USP7: variants seen among roughly 807,000 people sequenced by gnomAD.
The protein encoded by USP7 is ubiquitin C-terminal hydrolase 7.
USP7 carries 9 observed loss-of-function variants against 162.9 expected under a neutral mutation model. The ratio of observed to expected loss-of-function variants is 0.06; its 90% CI spans 0.03 to 0.10. USP7 has a LOEUF of 0.10. Among genes scored for constraint, USP7 ranks in the 10% least tolerant of loss-of-function variants. The pLI is 1.00. For missense variants in USP7, 715 were observed against 1,373.7 expected (o/e 0.52, Z 7.58); for synonymous variants, 562 against 475.9 (o/e 1.18, Z -2.35).
In USP7 at chr16:8,902,160, G is replaced by C. The variant is rs1421063569; in HGVS notation, c.1969C>G (p.Pro657Ala). The stretch of plus-strand genomic sequence containing the variant: ...ACTGTTTCCAGGAATATTGTCCAAG[G>C]GTTTTCATTATCACTGAGCTCAATC... ...TMIELSDNENPWTIFLETVDP... is the reference protein window; with the variant it reads ...TMIELSDNENAWTIFLETVDP... The change falls in exon 18 of 31, where the codon CCT becomes GCT. Residue 657 changes from proline (P) to alanine (A), a missense_variant. Physicochemically the swap from Pro to Ala is conservative, Grantham distance 27. Transcript: ENST00000344836. The C allele has an allele frequency of 1.9e-6, 3 of 1,614,004 alleles. No individual in the cohort carries two copies. The highest frequency in any genetic ancestry group is 1.3e-5 in the African/African-American group (1 of 74,896).
chr16:8,963,418 G>C lies in USP7; in HGVS notation c.-133C>G, dbSNP rs1199088594. The stretch of plus-strand genomic sequence containing the variant: ...CCTCCTCCTCCTCCTCCCGCGCGTC[G>C]TCGGCGACGGCGGCCCCGGGGCGGC... On this transcript the variant is annotated 5_prime_UTR_variant, in exon 1 of 31. Transcript: ENST00000344836. The C allele has an allele frequency of 6.5e-6, 1 of 153,628 alleles. No homozygotes were observed. The highest frequency in any genetic ancestry group is 2.5e-5 in the African/African-American group (1 of 40,074). The allele number at this position is 153,628 out of a possible 1,614,324, so 9.5% of individuals were successfully genotyped here.
chr16:8,896,883 C>G (rs1400304206), intron 26 of USP7, 116 bp downstream of exon 26: 2 of 795,868 alleles, frequency 2.5e-6, no homozygotes, highest in African/African-American at 1.7e-5. Context: ...CCCACTGAGT[C>G]TGGGAATGAC....
chr16:8,931,969 T>C (rs1008306312), intron 1 of USP7, among the ~76,000 whole-genome samples: 2 of 152,164 alleles, frequency 1.3e-5, no homozygotes, highest in Non-Finnish European at 2.9e-5. Context: ...AGCCAGGTAG[T>C]TGTGTGTGTG....
chr16:8,937,333 C>G (rs1199385526), intron 1 of USP7, among the ~76,000 whole-genome samples: 2 of 151,964 alleles, frequency 1.3e-5, no homozygotes, highest in Non-Finnish European at 2.9e-5. Context: ...TCACCTGAGG[C>G]CAGAAGTTTG....
At chr16:8,961,495 A>G (rs1900008059) in intron 1 of USP7, among the ~76,000 whole-genome samples, 1 of 100,094 alleles carries the variant, frequency 1.0e-5, no homozygotes, top group Non-Finnish European at 2.2e-5. Context: ...TCCGTCTCAA[A>G]AAAAAAAAAG....
At chr16:8,904,941 C>T (rs1438848270) in intron 14 of USP7, among the ~76,000 whole-genome samples, 2 of 152,130 alleles carry the variant, frequency 1.3e-5, no homozygotes, top group Admixed American at 1.3e-4. Flanking sequence ...CACTGCACTC[C>T]AGCCTGGGCA....
intron 3 of USP7, among the ~76,000 whole-genome samples, chr16:8,921,954 T>A (rs1369800756): frequency 6.6e-6 from 1 of 152,220 alleles, no homozygotes; most frequent in Non-Finnish European, 1.5e-5. Context: ...ATGGTTTGAC[T>A]CTTCAGGACA....
At chr16:8,954,833 G>T (rs533645854) in intron 1 of USP7, among the ~76,000 whole-genome samples, 30 of 152,064 alleles carry the variant, frequency 2.0e-4, no homozygotes, top group African/African-American at 7.0e-4. Flanking sequence ...GGTGAGGGGC[G>T]CCTGTAGTCC....
At chr16:8,933,546 G>A (rs912281663) in intron 1 of USP7, among the ~76,000 whole-genome samples, 8 of 152,150 alleles carry the variant, frequency 5.3e-5, no homozygotes, top group Non-Finnish European at 1.0e-4. Context: ...ACCTACTAGA[G>A]ATTAGGGTTA....
chr16:8,897,280 G>A, intron 25 of USP7, 181 bp from the exon 26 acceptor site: 1 of 595,448 alleles, frequency 1.7e-6, no homozygotes, highest in Non-Finnish European at 3.0e-6. Context: ...GAGGACACTG[G>A]CCCTAATCTA....
At chr16:8,961,503 AAGG>A (rs1233429659) in intron 1 of USP7, among the ~76,000 whole-genome samples, 14 of 58,538 alleles carry the variant, frequency 2.4e-4, no homozygotes, top group African/African-American at 6.2e-4. Context: ...AAAAAAAAAA[AAGG>A]GGGGGGGGGG....
At chr16:8,957,232 T>G (rs1899845111) in intron 1 of USP7, among the ~76,000 whole-genome samples, 1 of 152,246 alleles carries the variant, frequency 6.6e-6, no homozygotes, top group South Asian at 2.1e-4. Flanking sequence ...TAACTGACTT[T>G]CTTGCCTACG....
intron 16 of USP7, 87 bp downstream of exon 16, chr16:8,903,181 C>A: frequency 2.6e-6 from 4 of 1,532,706 alleles, no homozygotes; most frequent in Non-Finnish European, 2.6e-6. Context: ...CACCTACCCC[C>A]AAAGGCAATC....
chr16:8,925,799 T>G (rs1288210544), intron 2 of USP7, among the ~76,000 whole-genome samples: 1 of 152,196 alleles, frequency 6.6e-6, no homozygotes, highest in Non-Finnish European at 1.5e-5. Flanking sequence ...TAGATGACAC[T>G]TCGGGTGTAT....
chr16:8,924,907 G>T (rs577209952), intron 2 of USP7, among the ~76,000 whole-genome samples: 1 of 152,222 alleles, frequency 6.6e-6, no homozygotes, highest in Non-Finnish European at 1.5e-5. Context: ...AAGAGCAGCT[G>T]AAAGAGGCGC....
intron 8 of USP7, among the ~76,000 whole-genome samples, chr16:8,916,131 G>A (rs999349350): frequency 6.6e-6 from 1 of 152,152 alleles, no homozygotes; most frequent in Non-Finnish European, 1.5e-5. Context: ...TGCACAGGAG[G>A]GGTCTGGACA....
intron 1 of USP7, among the ~76,000 whole-genome samples, chr16:8,960,680 C>CA (rs1402022483): frequency 1.3e-5 from 2 of 152,192 alleles, no homozygotes; most frequent in Non-Finnish European, 2.9e-5. Flanking sequence ...ACCAGGACCC[C>CA]ACTCACAGCC....
intron 29 of USP7, 21 bp downstream of exon 29, chr16:8,894,763 C>A: frequency 5.6e-6 from 9 of 1,614,234 alleles, no homozygotes; most frequent in Non-Finnish European, 7.6e-6. Context: ...GCCAAGCCCC[C>A]AGGAGGCCCC....
In USP7 at chr16:8,904,403, T is replaced by C. The variant is rs1256332211; in HGVS notation, c.1704+32A>G. 3.7e-6 allele frequency: 6 copies of C among 1,609,934 alleles called. No homozygotes were observed. The Admixed American group carries it at 8.4e-5, about 22-fold the overall frequency. Reference sequence around the variant, plus strand: ...TAGAGATGGGTGCCCGGCTGCATGGTGACCCGGAGTCCCAGAAGGGCGGGG... The same window carrying C: ...TAGAGATGGGTGCCCGGCTGCATGGCGACCCGGAGTCCCAGAAGGGCGGGG... On this transcript the variant is annotated intron_variant, in intron 15 of 30. Coordinates refer to ENST00000344836, the MANE Select transcript of USP7 (RefSeq NM_003470.3).
Sources: allele counts gnomAD v4.1 joint callset (sites outside exome capture counted in the v4.1 genomes callset), GRCh38; gene constraint gnomAD v4.1.1; transcripts MANE v1.5; gene names NCBI Gene and HGNC (gene_info 2026-07-23, HGNC 2026-07-21).